Variants in MME observed in about 807,000 individuals in gnomAD.
The protein encoded by MME is membrane metalloendopeptidase.
A neutral mutation model predicts 113.2 loss-of-function variants in MME; 98 were observed. That is an observed-to-expected ratio of 0.87 (90% CI 0.74 to 1.02). MME has a LOEUF of 1.02. Ranked by LOEUF, MME falls within the 50% of genes least tolerant of loss-of-function variation. The pLI is 0.00. For synonymous variants in MME, 292 were observed against 300.6 expected, an observed-to-expected ratio of 0.97 and a Z score of 0.30; for missense variants, 836 against 896.0, an observed-to-expected ratio of 0.93 and a Z score of 0.86.
chr3:155,176,049 A>AT (rs1712489276), intron 22 of MME, among the ~76,000 whole-genome samples: 1 of 152,208 alleles, frequency 6.6e-6, no homozygotes, highest in African/African-American at 2.4e-5. Context: ...TGAAAGAATC[A>AT]TAAAAATTAG....
chr3:155,099,612 C>T (rs1429703881), intron 3 of MME, among the ~76,000 whole-genome samples: 1 of 152,140 alleles, frequency 6.6e-6, no homozygotes, highest in East Asian at 1.9e-4. Flanking sequence ...TGGTGGAGCT[C>T]CTGACAACAC....
Position 155,042,916 on chromosome 3 carries a change from A to G in MME, c.-11+18592A>G, listed in dbSNP as rs866380053. Among the ~76,000 whole-genome samples the G allele has an allele frequency of 7.2e-4, 34 of 47,038 alleles. 3 individuals are homozygous for G. The South Asian group carries it at 0.017, about 24-fold the overall frequency. 30.9% of individuals were successfully genotyped at this position (47,038 alleles called of 152,430 possible). On this transcript the variant is annotated intron_variant, in intron 1 of 22. Transcript: ENST00000492661. ...TAGTAGGTTTTATATATATATATAT[A>G]TATATATATATATATATATATATGT...
At chr3:155,163,012 C>CAAAAA (rs57700088) in intron 17 of MME, among the ~76,000 whole-genome samples, 9 of 78,206 alleles carry the variant, frequency 1.2e-4, no homozygotes, top group Non-Finnish European at 1.5e-4. Flanking sequence ...AACTCTGTCT[C>CAAAAA]AAAAAAAAAA....
At chr3:155,170,818 T>C (rs1407756181) in intron 20 of MME, among the ~76,000 whole-genome samples, 1 of 152,196 alleles carries the variant, frequency 6.6e-6, no homozygotes, top group African/African-American at 2.4e-5. Context: ...TTTGCTCCTA[T>C]GATATGGCCT....
At chr3:155,152,899 CACA>C (rs1314231529) in intron 16 of MME, among the ~76,000 whole-genome samples, 1 of 151,798 alleles carries the variant, frequency 6.6e-6, no homozygotes. Flanking sequence ...GGGGAAGATA[CACA>C]ACATCATCTT....
At chr3:155,146,940 G>T (rs559392374) in intron 14 of MME, among the ~76,000 whole-genome samples, 2 of 152,122 alleles carry the variant, frequency 1.3e-5, no homozygotes, top group African/African-American at 2.4e-5. Context: ...TAAGGCATTA[G>T]AAACTCAATT....
At chr3:155,167,269 A>G (rs1400218193) in intron 18 of MME, among the ~76,000 whole-genome samples, 1 of 152,122 alleles carries the variant, frequency 6.6e-6, no homozygotes, top group Non-Finnish European at 1.5e-5. Flanking sequence ...GGAAAATACT[A>G]TGGTGTTTGT....
chr3:155,147,687 A>G (rs1258392812), intron 15 of MME, among the ~76,000 whole-genome samples: 1 of 152,078 alleles, frequency 6.6e-6, no homozygotes, highest in African/African-American at 2.4e-5. Context: ...TGCCCTGGTA[A>G]TGTAACAGTT....
intron 2 of MME, 131 bp downstream of exon 2, chr3:155,084,458 TA>T: frequency 2.2e-6 from 2 of 916,262 alleles, no homozygotes; most frequent in Non-Finnish European, 3.5e-6. Context: ...GATTCATTTA[TA>T]AAATGTAACA....
chr3:155,102,010 A>C (rs1386005075), intron 3 of MME, among the ~76,000 whole-genome samples: 1 of 152,108 alleles, frequency 6.6e-6, no homozygotes, highest in Non-Finnish European at 1.5e-5. Context: ...ACCTATTAGG[A>C]GGGGGGAATT....
intron 8 of MME, among the ~76,000 whole-genome samples, chr3:155,134,096 C>A (rs1720425722): frequency 6.6e-6 from 1 of 151,844 alleles, no homozygotes; most frequent in South Asian, 2.1e-4. Context: ...ATTGTCTTTT[C>A]ATTTCTGTTA....
intron 1 of MME, among the ~76,000 whole-genome samples, chr3:155,061,884 C>T (rs1031570118): frequency 6.6e-6 from 1 of 152,168 alleles, no homozygotes; most frequent in Non-Finnish European, 1.5e-5. Context: ...TGGTTTCGAA[C>T]TCCTGGCCTC....
rs1718841429 is a variant in MME, at chr3:155,118,787, T to C, written c.696T>C (p.Tyr232=). 1.2e-6 allele frequency: 2 copies of C among 1,602,500 alleles called. No individual in the cohort carries two copies. Among genetic ancestry groups the C allele is most frequent in the Non-Finnish European group, 1.7e-6 (2 of 1,171,082 alleles). Residue 232 remains tyrosine, a synonymous_variant, in exon 8 of 23, where the codon TAT becomes TAC. Transcript: ENST00000360490. ...TTGGCCTCCCTTCTAGAGATTACTA[T>C]GAATGCACTGGAATCTATAAAGAGG... is the stretch of plus-strand genomic sequence containing the variant. ...PRLGLPSRDY[Y]ECTGIYKEAC... is the part of the protein sequence containing the mutation.
chr3:155,145,284 G>C (rs1040207619), intron 14 of MME, among the ~76,000 whole-genome samples: 1 of 152,014 alleles, frequency 6.6e-6, no homozygotes, highest in Non-Finnish European at 1.5e-5. Flanking sequence ...GTTCTGGATC[G>C]GCATTTCCAA....
intron 3 of MME, among the ~76,000 whole-genome samples, chr3:155,105,679 G>A (rs922286842): frequency 2.2e-4 from 33 of 152,088 alleles, no homozygotes; most frequent in African/African-American, 8.0e-4. Flanking sequence ...GTGAACTTGG[G>A]CACAAATCAC....
chr3:155,059,690 T>C (rs898444144), intron 1 of MME, among the ~76,000 whole-genome samples: 4 of 152,124 alleles, frequency 2.6e-5, no homozygotes, highest in Non-Finnish European at 4.4e-5. Flanking sequence ...TTCAAAAGTA[T>C]ATTAAATGAA....
rs762705074 is a variant in MME, at chr3:155,180,411, C to A, written c.2205C>A (p.Cys735Ter). 2.5e-6 allele frequency: 4 copies of A among 1,613,446 alleles called. No homozygotes were observed. Among genetic ancestry groups the A allele is most frequent in the African/African-American group, 1.3e-5 (1 of 74,848 alleles). ...NSAEFSEAFH[C>*]RKNSYMNPEK... The stretch of plus-strand genomic sequence containing the variant: ...CAGAGTTTTCAGAAGCCTTTCACTG[C>A]CGCAAGAATTCATACATGAATCCAG... The change falls in exon 23 of 23, where the codon TGC becomes TGA. Residue 735 changes from cysteine (C) to a stop codon, truncating the protein, a stop_gained. Coordinates refer to ENST00000360490, the MANE Select transcript of MME (RefSeq NM_007289.4). LOFTEE classifies it high-confidence loss of function.
chr3:155,169,625 T>C (rs181456996), intron 20 of MME, among the ~76,000 whole-genome samples: 1 of 152,326 alleles, frequency 6.6e-6, no homozygotes, highest in Non-Finnish European at 1.5e-5. Context: ...TGAGTGTTTT[T>C]CTCAACTATG....
At chr3:155,156,360 A>G (rs1051133881) in intron 16 of MME, among the ~76,000 whole-genome samples, 1 of 152,204 alleles carries the variant, frequency 6.6e-6, no homozygotes, top group Non-Finnish European at 1.5e-5. Context: ...GTGACACAGT[A>G]GTAAGAAATG....
Sources: allele counts gnomAD v4.1 joint callset (sites outside exome capture counted in the v4.1 genomes callset), GRCh38; gene constraint gnomAD v4.1.1; transcripts MANE v1.5; gene names NCBI Gene and HGNC (gene_info 2026-07-23, HGNC 2026-07-21).